Variants in ZNF236 observed in about 807,000 individuals in gnomAD.
ZNF236 encodes the protein regulated by glucose.
A neutral mutation model predicts 191.2 loss-of-function variants in ZNF236; 50 were observed. The observed-to-expected ratio is 0.26, with a 90% CI of 0.21 to 0.33. The LOEUF (loss-of-function observed/expected upper bound fraction) is 0.33, where lower values mean the gene tolerates loss of function less well. Among genes scored for constraint, ZNF236 ranks in the 10% least tolerant of loss-of-function variants. The pLI, the probability that ZNF236 is intolerant of heterozygous loss-of-function variation, is 1.00. For synonymous variants in ZNF236, 907 were observed against 928.8 expected (o/e 0.98, Z 0.43); for missense variants, 1,754 against 2,374.5 (o/e 0.74, Z 5.43).
chr18:76,908,857 A>G (rs1417419962), intron 14 of ZNF236, among the ~76,000 whole-genome samples: 1 of 152,212 alleles, frequency 6.6e-6, no homozygotes, highest in Non-Finnish European at 1.5e-5. Flanking sequence ...GTTAAGAAGT[A>G]GTTGAAATTT....
chr18:76,946,506 C>T (rs1001750831), intron 26 of ZNF236, among the ~76,000 whole-genome samples: 22 of 152,158 alleles, frequency 1.4e-4, no homozygotes, highest in African/African-American at 5.1e-4. Flanking sequence ...TGAGAAACAC[C>T]CCTCACCTTA....
At chr18:76,870,149 G>C (rs997188746) in intron 4 of ZNF236, among the ~76,000 whole-genome samples, 1 of 152,168 alleles carries the variant, frequency 6.6e-6, no homozygotes, top group Non-Finnish European at 1.5e-5. Context: ...TAGCCTCTTA[G>C]ACATTGCATT....
intron 3 of ZNF236, among the ~76,000 whole-genome samples, chr18:76,863,259 G>C (rs1392541261): frequency 6.6e-6 from 1 of 152,188 alleles, no homozygotes; most frequent in Non-Finnish European, 1.5e-5. Flanking sequence ...AAGGATAGGA[G>C]AAAGAGTGTG....
intron 3 of ZNF236, among the ~76,000 whole-genome samples, chr18:76,860,699 C>T (rs1027384563): frequency 2.6e-5 from 4 of 152,216 alleles, no homozygotes; most frequent in African/African-American, 4.8e-5. Flanking sequence ...CAGCTCCCTT[C>T]GTCTCTTGCT....
At chr18:76,904,593 G>A (rs1025717479) in intron 12 of ZNF236, 72 bp downstream of exon 12, 41 of 1,407,194 alleles carry the variant, frequency 2.9e-5, no homozygotes, top group Middle Eastern at 4.6e-4. Flanking sequence ...ACGTCTAGAA[G>A]TATTTAGGAT....
At position 76,970,697 on chromosome 18, in the gene ZNF236, A is replaced by G. The variant is rs1244557317; in HGVS notation, c.*2358A>G. 1 of 152,438 alleles carries G rather than the reference A, an allele frequency of 6.6e-6. No homozygotes were observed. The highest frequency in any genetic ancestry group is 1.9e-4 in the East Asian group (1 of 5,208). 9.4% of individuals were successfully genotyped at this position (152,438 alleles called of 1,614,324 possible). On this transcript the variant is annotated 3_prime_UTR_variant, in exon 31 of 31. Coordinates refer to ENST00000320610, the MANE Select transcript of ZNF236 (RefSeq NM_001306089.2). ...CTCATCATAGCATATCTGCTTTGGA[A>G]TAACTATAAATAAAAGATGAAGTTA...
chr18:76,868,654 G>A (rs761188419), intron 3 of ZNF236, 31 bp from the exon 4 acceptor site: 1 of 1,561,280 alleles, frequency 6.4e-7, no homozygotes, highest in South Asian at 1.2e-5. Context: ...TGAAAGGTTT[G>A]CTCTGCTCAC....
At chr18:76,863,052 T>G (rs1432314026) in intron 3 of ZNF236, among the ~76,000 whole-genome samples, 2 of 152,024 alleles carry the variant, frequency 1.3e-5, no homozygotes, top group African/African-American at 4.8e-5. Context: ...AAAAATCCCA[T>G]GATTGAACTA....
chr18:76,867,271 T>G (rs1476364423), intron 3 of ZNF236, among the ~76,000 whole-genome samples: 1 of 151,984 alleles, frequency 6.6e-6, no homozygotes, highest in African/African-American at 2.4e-5. Context: ...GATTTTTTTT[T>G]GTGGGGAGTT....
At chr18:76,843,985 T>G (rs113734821) in intron 1 of ZNF236, among the ~76,000 whole-genome samples, 2 of 147,518 alleles carry the variant, frequency 1.4e-5, no homozygotes, top group African/African-American at 5.0e-5. Context: ...GGGTGCAGTG[T>G]CTCACGCCTG....
rs199849647 is a variant in ZNF236 at position 76,947,586 on chromosome 18, G to A, written c.4848G>A (p.Pro1616=). 1.8e-5 allele frequency: 29 copies of A among 1,613,970 alleles called. No individual in the cohort carries two copies. The African/African-American group carries it at 2.4e-4, about 13-fold the overall frequency. The change falls in exon 27 of 31, where the codon CCG becomes CCA. Residue 1616 remains proline, a synonymous_variant. Transcript: ENST00000320610. The stretch of plus-strand genomic sequence containing the variant: ...CGGGCCAGGGTGGAGCAGGCTCGCC[G>A]CAAGTCATACTAGTGAGCCACACGC... ...SLSGQGGAGS[P]QVILVSHTPQ...
At chr18:76,851,253 A>C (rs1975857801) in intron 2 of ZNF236, among the ~76,000 whole-genome samples, 1 of 149,196 alleles carries the variant, frequency 6.7e-6, no homozygotes, top group Non-Finnish European at 1.5e-5. Flanking sequence ...AAACACATGG[A>C]GAAAGAAACC....
intron 3 of ZNF236, among the ~76,000 whole-genome samples, chr18:76,852,677 C>A (rs1486847571): frequency 6.6e-6 from 1 of 151,726 alleles, no homozygotes; most frequent in Admixed American, 6.6e-5. Flanking sequence ...CTGAACTCCC[C>A]CTTTGCATTA....
At chr18:76,902,752 G>T (rs7229881) in intron 11 of ZNF236, among the ~76,000 whole-genome samples, 35,596 of 151,472 alleles carry the variant, frequency 0.24, 4,490 homozygotes, top group Middle Eastern at 0.3. Context: ...TGTATTTTTT[G>T]TATTTTTATT....
intron 18 of ZNF236, 97 bp from the exon 19 acceptor site, chr18:76,915,550 T>C: frequency 8.8e-7 from 1 of 1,135,870 alleles, no homozygotes; most frequent in Non-Finnish European, 1.3e-6. Context: ...ATGTTGTAAC[T>C]TATTAAACAT....
In ZNF236 at chr18:76,912,695, G is replaced by A. The variant is rs554274391; in HGVS notation, c.2909+348G>A. On this transcript the variant is annotated intron_variant, in intron 17 of 30. Coordinates refer to ENST00000320610, the MANE Select transcript of ZNF236 (RefSeq NM_001306089.2). ...TGCCTTTTAGTTCAAGACTCTTCATGTGCTTTACATATAACAATCTGTGTA... is the reference window on the plus strand; with the variant it reads ...TGCCTTTTAGTTCAAGACTCTTCATATGCTTTACATATAACAATCTGTGTA... Among the ~76,000 whole-genome samples, 84 of 152,246 alleles carry A rather than the reference G, an allele frequency of 5.5e-4. 1 individual carries two copies. The South Asian group carries it at 0.017, about 31-fold the overall frequency.
rs1403047666 is a variant in ZNF236, at chr18:76,971,259, A to G, written c.*2920A>G. Among the ~76,000 whole-genome samples the G allele has an allele frequency of 6.6e-5, 10 of 152,370 alleles. No individual in the cohort carries two copies. The highest frequency in any genetic ancestry group is 7.3e-5 in the Non-Finnish European group (5 of 68,030). On this transcript the variant is annotated 3_prime_UTR_variant, in exon 31 of 31. Transcript: ENST00000320610. ...TGAAAATGAAGACATGTTTTCAAAC[A>G]TGCAGATTGAAATGCTACCCCACCC... is the stretch of plus-strand genomic sequence containing the variant.
chr18:76,963,765 T>C (rs1968713744), intron 30 of ZNF236, among the ~76,000 whole-genome samples: 1 of 152,228 alleles, frequency 6.6e-6, no homozygotes, highest in African/African-American at 2.4e-5. Flanking sequence ...GTTATTGGTC[T>C]GATCAGGGTA....
intron 19 of ZNF236, among the ~76,000 whole-genome samples, chr18:76,918,414 G>C (rs1395939216): frequency 6.6e-6 from 1 of 152,094 alleles, no homozygotes; most frequent in African/African-American, 2.4e-5. Flanking sequence ...TAATATAAAT[G>C]CTATGTAAAT....
Sources: gnomAD v4.1 joint callset for allele counts (sites outside exome capture counted in the v4.1 genomes callset) on GRCh38, gnomAD v4.1.1 for gene constraint, MANE v1.5 for transcripts, NCBI Gene and HGNC (gene_info 2026-07-23, HGNC 2026-07-21) for gene names.